The following LRRC9 variants were observed in gnomAD, a reference collection of about 807,000 sequenced individuals.
LRRC9 encodes leucine-rich repeat-containing protein 9.
LRRC9 carries 122 observed loss-of-function variants against 63.2 expected under a neutral mutation model. The ratio of observed to expected loss-of-function variants is 1.93; its 90% CI spans 1.67 to 2.24. The LOEUF is 2.24. Ranked by LOEUF, LRRC9 falls within the 30% of genes most tolerant of loss-of-function variation. The probability of loss-of-function intolerance (pLI) is 0.00; values close to 1 mark genes in which losing one functional copy is unlikely to be tolerated. For synonymous variants in LRRC9, 366 were observed against 213.1 expected (o/e 1.72, Z -6.25); for missense variants, 1,071 against 627.7 (o/e 1.71, Z -7.55).
intron 29 of LRRC9, among the ~76,000 whole-genome samples, chr14:60,045,427 G>T (rs921901988): frequency 6.6e-6 from 1 of 151,962 alleles, no homozygotes; most frequent in Non-Finnish European, 1.5e-5. Context: ...CTCCCTCTCC[G>T]ACTCCCACCC....
chr14:60,006,787 T>TA, intron 22 of LRRC9, 170 bp downstream of exon 22: 1 of 465,266 alleles, frequency 2.1e-6, no homozygotes, highest in Non-Finnish European at 3.8e-6. Context: ...CATACAAAAA[T>TA]ATATCTGTGT....
Position 59,932,451 on chromosome 14 carries a change from A to G in LRRC9, c.543+412A>G, listed in dbSNP as rs2139788376. Among the ~76,000 whole-genome samples the G allele has an allele frequency of 6.6e-6, 1 of 152,242 alleles. No individual in the cohort carries two copies. Among genetic ancestry groups the G allele is most frequent in the South Asian group, 2.1e-4 (1 of 4,830 alleles). On this transcript the variant is annotated intron_variant, in intron 6 of 31. Transcript: ENST00000445360. This position sits in a 1 kb window ranked among gnomAD's most constrained non-coding sequence, Gnocchi z 4.7. ...ATACCGTTTATCTACCCTTTAAACT[A>G]GTACCTTTACTTTCCTTAACAACTC...
At chr14:60,047,187 G>A (rs538435729) in intron 29 of LRRC9, among the ~76,000 whole-genome samples, 105 of 152,202 alleles carry the variant, frequency 6.9e-4, no homozygotes, top group Non-Finnish European at 1.3e-3. Flanking sequence ...CTAGACACAG[G>A]ATCATGTCAT....
chr14:59,983,962 CCG>C (rs1887197528), intron 16 of LRRC9, among the ~76,000 whole-genome samples: 1 of 152,186 alleles, frequency 6.6e-6, no homozygotes, highest in East Asian at 1.9e-4. Flanking sequence ...ACCAGCTGCA[CCG>C]TTACATCACC....
rs1881394168 is a variant in LRRC9, at chr14:59,938,960, C to CACACATAT, written c.726+391_726+392insCATATACA. Among the ~76,000 whole-genome samples, 1 of 143,106 alleles carries CACACATAT rather than the reference C, an allele frequency of 7.0e-6. No homozygotes were observed. Among genetic ancestry groups the CACACATAT allele is most frequent in the African/African-American group, 2.6e-5 (1 of 37,884 alleles). The allele number at this position is 143,106 out of a possible 152,430, so 93.9% of individuals were successfully genotyped here. A position where few individuals can be genotyped will look rare whatever the true frequency, so the allele number is the denominator to read the frequency against. On this transcript the variant is annotated intron_variant, in intron 7 of 31. Transcript: ENST00000445360. This position sits in a 1 kb window ranked among gnomAD's most constrained non-coding sequence, Gnocchi z 4.2. ...ATATACATATACATACATATATACA[C>CACACATAT]ACATATATACATATATACATATATA...
rs1252209334 is a variant in LRRC9, at chr14:59,962,844, T to C, written c.1211+1799T>C. Among the ~76,000 whole-genome samples the C allele has an allele frequency of 2.0e-5, 3 of 152,200 alleles. No individual in the cohort carries two copies. The highest frequency in any genetic ancestry group is 4.4e-5 in the Non-Finnish European group (3 of 68,018). On this transcript the variant is annotated intron_variant, in intron 10 of 31. Transcript: ENST00000445360. The surrounding 1 kb of genome is among the most constrained non-coding windows in gnomAD (Gnocchi z 5.1). ...CATTTAGATAACTATGTCAGCCTGA[T>C]AGTAAATTAGATAGCTTTGATGGAT... is the stretch of plus-strand genomic sequence containing the variant.
chr14:59,993,120 C>T (rs1888344980), intron 17 of LRRC9, among the ~76,000 whole-genome samples: 3 of 152,178 alleles, frequency 2.0e-5, no homozygotes, highest in South Asian at 4.1e-4. Context: ...TCGGCAGAAA[C>T]TCTACAAGCC....
intron 15 of LRRC9, among the ~76,000 whole-genome samples, chr14:59,981,181 T>C (rs1276727724): frequency 6.6e-6 from 1 of 152,180 alleles, no homozygotes; most frequent in Non-Finnish European, 1.5e-5. Context: ...TCTGCTACCA[T>C]ATCCACTTGG....
rs778793835 is a variant in LRRC9 at position 60,017,556 on chromosome 14, T to C, written c.3317+766T>C. Among the ~76,000 whole-genome samples, 1 of 152,126 alleles carries C rather than the reference T, an allele frequency of 6.6e-6. No individual in the cohort carries two copies. Among genetic ancestry groups the C allele is most frequent in the Non-Finnish European group, 1.5e-5 (1 of 67,998 alleles). ...CTATCACAGCAATTCTCCTCTTTAT[T>C]TTTATTTTTCTGGCTCCCACTTCTT... On this transcript the variant is annotated intron_variant, in intron 24 of 31. Transcript: ENST00000445360. This position sits in a 1 kb window ranked among gnomAD's most constrained non-coding sequence, Gnocchi z 4.0.
chr14:59,961,790 A>T (rs1207138871), intron 10 of LRRC9, among the ~76,000 whole-genome samples: 5 of 152,194 alleles, frequency 3.3e-5, no homozygotes, highest in Middle Eastern at 3.2e-3. Context: ...CTTGAAGAAA[A>T]ATATTGTTAA....
At chr14:60,008,341 A>G (rs1348836615) in intron 23 of LRRC9, 127 bp downstream of exon 23, 2 of 496,064 alleles carry the variant, frequency 4.0e-6, no homozygotes, top group East Asian at 6.4e-5. Context: ...TATTAAATCT[A>G]GGTCTCCAAA....
In LRRC9 at chr14:60,003,135, C is replaced by A. The variant is rs1414238645; in HGVS notation, c.2665-486C>A. ...ATAGATATTGAGCTGCAAATGAAGGCCCAGTGACAGCTTTGGCTGACCCAC... is the reference window on the plus strand; with the variant it reads ...ATAGATATTGAGCTGCAAATGAAGGACCAGTGACAGCTTTGGCTGACCCAC... On this transcript the variant is annotated intron_variant, in intron 20 of 31. Coordinates refer to ENST00000445360, the Ensembl canonical transcript of LRRC9. The surrounding 1 kb of genome is among the most constrained non-coding windows in gnomAD (Gnocchi z 4.2). Among the ~76,000 whole-genome samples the A allele has an allele frequency of 6.6e-6, 1 of 152,220 alleles. No individual in the cohort carries two copies.
At position 59,930,811 on chromosome 14, in the gene LRRC9, C is replaced by T; in HGVS notation, c.268-107C>T. On this transcript the variant is annotated intron_variant, in intron 3 of 31. Transcript: ENST00000445360. This position sits in a 1 kb window ranked among gnomAD's most constrained non-coding sequence, Gnocchi z 4.9. The stretch of plus-strand genomic sequence containing the variant: ...TTCATTTTGCTGGATATTGATTTTG[C>T]AATAAAATATGATATTTAAAAGAAA... The T allele has an allele frequency of 3.9e-6, 1 of 256,836 alleles. No homozygotes were observed. Among genetic ancestry groups the T allele is most frequent in the Non-Finnish European group, 7.3e-6 (1 of 136,080 alleles). The allele number at this position is 256,836 out of a possible 1,614,324, so 15.9% of individuals were successfully genotyped here. A position where few individuals can be genotyped will look rare whatever the true frequency, so the allele number is the denominator to read the frequency against.
intron 8 of LRRC9, among the ~76,000 whole-genome samples, chr14:59,953,231 C>A (rs1883366158): frequency 6.6e-6 from 1 of 152,210 alleles, no homozygotes; most frequent in Non-Finnish European, 1.5e-5. Flanking sequence ...GAGGAAACGT[C>A]ACACTGTCTT....
exon 23 of LRRC9, chr14:60,008,121 G>T (rs1422484296): frequency 8.6e-6 from 6 of 701,164 alleles, no homozygotes; most frequent in African/African-American, 1.8e-5. Flanking sequence ...TTCTAGACAT[G>T]TGTGGGAACA....
chr14:59,956,852 T>G (rs1883808278), intron 8 of LRRC9, among the ~76,000 whole-genome samples: 1 of 152,200 alleles, frequency 6.6e-6, no homozygotes, highest in African/African-American at 2.4e-5. Context: ...AACGTTTGCT[T>G]GTCTGTAAAG....
At chr14:60,033,490 C>T (rs1037499800) in intron 29 of LRRC9, among the ~76,000 whole-genome samples, 2 of 151,916 alleles carry the variant, frequency 1.3e-5, no homozygotes, top group African/African-American at 4.8e-5. Context: ...AGTTTCCTAC[C>T]GGTTTTGTCT....
chr14:59,940,440 T>C (rs993177104), intron 7 of LRRC9, among the ~76,000 whole-genome samples: 1 of 152,116 alleles, frequency 6.6e-6, no homozygotes, highest in Non-Finnish European at 1.5e-5. Context: ...TTTTCACCTA[T>C]GACTGTGAAC....
At chr14:60,015,598 G>T (rs1890611830) in intron 23 of LRRC9, among the ~76,000 whole-genome samples, 1 of 152,130 alleles carries the variant, frequency 6.6e-6, no homozygotes, top group Non-Finnish European at 1.5e-5. Flanking sequence ...CTCTGGCTGG[G>T]AAGGAAGGAA....
Sources: gnomAD v4.1 joint callset for allele counts (sites outside exome capture counted in the v4.1 genomes callset) on GRCh38, gnomAD v4.1.1 for gene constraint, Gnocchi (gnomAD v3.1) non-coding constraint, MANE v1.5 for transcripts, NCBI Gene and HGNC (gene_info 2026-07-23, HGNC 2026-07-21) for gene names.